The following KIAA1217 variants were observed in gnomAD, a reference collection of about 807,000 sequenced individuals.
The protein encoded by KIAA1217 is KIAA1217.
KIAA1217 carries 88 observed loss-of-function variants against 163.9 expected under a neutral mutation model. The ratio of observed to expected loss-of-function variants is 0.54; its 90% CI spans 0.45 to 0.64. The LOEUF (loss-of-function observed/expected upper bound fraction) is 0.64. Ranked by LOEUF, KIAA1217 falls within the 30% of genes least tolerant of loss-of-function variation. KIAA1217 has a pLI of 0.00. For synonymous variants in KIAA1217, 903 were observed against 923.1 expected, an observed-to-expected ratio of 0.98 and a Z score of 0.39; for missense variants, 2,372 against 2,475.0, an observed-to-expected ratio of 0.96 and a Z score of 0.88.
At chr10:23,734,250 A>T (rs755266053) in intron 1 of KIAA1217, among the ~76,000 whole-genome samples, 9 of 151,206 alleles carry the variant, frequency 6.0e-5, no homozygotes, top group Non-Finnish European at 8.8e-5. Flanking sequence ...TTCTTACTTT[A>T]GAAGTTATCA....
At chr10:24,454,625 G>C (rs1386502733) in intron 5 of KIAA1217, among the ~76,000 whole-genome samples, 1 of 152,130 alleles carries the variant, frequency 6.6e-6, no homozygotes, top group African/African-American at 2.4e-5. Flanking sequence ...GCATAGGACT[G>C]GTGGTCAGGG....
intron 9 of KIAA1217, among the ~76,000 whole-genome samples, chr10:24,504,144 T>C (rs947657099): frequency 6.6e-6 from 1 of 152,152 alleles, no homozygotes; most frequent in Admixed American, 6.5e-5. Flanking sequence ...CCTTGAACTG[T>C]GCAGCTTTGT....
At chr10:24,532,462 G>A (rs573576419) in intron 15 of KIAA1217, among the ~76,000 whole-genome samples, 61 of 152,290 alleles carry the variant, frequency 4.0e-4, no homozygotes, top group African/African-American at 1.4e-3. Context: ...CTTTCATGAG[G>A]ACTGTATTAG....
chr10:23,966,320 C>A (rs1055640341), intron 1 of KIAA1217, among the ~76,000 whole-genome samples: 1 of 152,100 alleles, frequency 6.6e-6, no homozygotes, highest in Non-Finnish European at 1.5e-5. Flanking sequence ...TGAGATTAAT[C>A]TAAAAAATGG....
chr10:23,984,460 A>G (rs938640690), intron 1 of KIAA1217, among the ~76,000 whole-genome samples: 15 of 152,222 alleles, frequency 9.9e-5, no homozygotes, highest in Non-Finnish European at 1.6e-4. Context: ...AGGCACATGC[A>G]TAAGTATGTT....
chr10:24,388,201 A>C (rs1319899099), intron 3 of KIAA1217, among the ~76,000 whole-genome samples: 2 of 152,368 alleles, frequency 1.3e-5, no homozygotes, highest in South Asian at 2.1e-4. Context: ...TGGTACCAAA[A>C]CAGAGATACA....
intron 8 of KIAA1217, among the ~76,000 whole-genome samples, chr10:24,498,410 C>T (rs753599931): frequency 2.0e-5 from 3 of 152,192 alleles, no homozygotes; most frequent in Middle Eastern, 3.4e-3. Context: ...ACTAGAAGAT[C>T]GCTGAAATGA....
At chr10:24,031,702 T>G (rs1329440611) in intron 2 of KIAA1217, among the ~76,000 whole-genome samples, 1 of 145,244 alleles carries the variant, frequency 6.9e-6, no homozygotes. Context: ...TGTGTGTGTG[T>G]GTGGGTGTGT....
intron 3 of KIAA1217, among the ~76,000 whole-genome samples, chr10:24,396,168 C>T (rs1330125755): frequency 6.6e-6 from 1 of 152,074 alleles, no homozygotes; most frequent in East Asian, 1.9e-4. Context: ...GAAACCCTCT[C>T]TCTACTAAAA....
intron 2 of KIAA1217, among the ~76,000 whole-genome samples, chr10:24,378,135 T>C (rs2052769068): frequency 6.6e-6 from 1 of 152,198 alleles, no homozygotes; most frequent in Admixed American, 6.5e-5. Flanking sequence ...CAGCTTCAAG[T>C]TGAAAACTAA....
chr10:24,224,952 G>A (rs532989510), intron 2 of KIAA1217, among the ~76,000 whole-genome samples: 3 of 149,512 alleles, frequency 2.0e-5, no homozygotes, highest in East Asian at 2.0e-4. Context: ...TCAGCCTCCC[G>A]AGTAGCTGGG....
chr10:24,043,439 C>T (rs946179017), intron 2 of KIAA1217, among the ~76,000 whole-genome samples: 2 of 151,942 alleles, frequency 1.3e-5, no homozygotes, highest in African/African-American at 4.8e-5. Flanking sequence ...ACTTTTGTGC[C>T]CTGTACTATT....
At chr10:24,326,066 G>A (rs941006861) in intron 2 of KIAA1217, among the ~76,000 whole-genome samples, 1 of 152,144 alleles carries the variant, frequency 6.6e-6, no homozygotes, top group Admixed American at 6.5e-5. Context: ...CATCACTCCA[G>A]GACCGTCTAA....
chr10:24,092,904 A>AGTGTGTGT (rs149427130), intron 2 of KIAA1217, among the ~76,000 whole-genome samples: 1 of 145,016 alleles, frequency 6.9e-6, no homozygotes, highest in Non-Finnish European at 1.5e-5. Context: ...GTGTATGTAT[A>AGTGTGTGT]GTGTGTGTGT....
At chr10:24,183,393 C>T (rs1033692195) in intron 2 of KIAA1217, among the ~76,000 whole-genome samples, 1 of 152,134 alleles carries the variant, frequency 6.6e-6, no homozygotes, top group Non-Finnish European at 1.5e-5. Flanking sequence ...TACCTCTTTT[C>T]TTCTGATTGT....
chr10:24,170,418 T>C (rs1299458284), intron 2 of KIAA1217, among the ~76,000 whole-genome samples: 2 of 152,186 alleles, frequency 1.3e-5, no homozygotes, highest in East Asian at 1.9e-4. Flanking sequence ...CCCAAGCTCA[T>C]TGTGTGAAAT....
rs1588895472 is a variant in KIAA1217 at position 23,825,450 on chromosome 10, A to G, written c.-321+130216A>G. Among the ~76,000 whole-genome samples the G allele has an allele frequency of 2.6e-5, 4 of 152,220 alleles. No homozygotes were observed. The East Asian group carries it at 7.7e-4, about 29-fold the overall frequency. ...CTAATTAATCTATATTGATGAACAT[A>G]TATGTAAATAATAGTGATAAATAAA... On this transcript the variant is annotated intron_variant, in intron 1 of 18. Transcript: ENST00000376462.
intron 2 of KIAA1217, among the ~76,000 whole-genome samples, chr10:24,289,434 G>A (rs1016396258): frequency 6.6e-6 from 1 of 152,174 alleles, no homozygotes; most frequent in African/African-American, 2.4e-5. Flanking sequence ...ATAGGGGAAA[G>A]AGGAGGAGAA....
At chr10:24,400,022 C>G (rs1219405592) in intron 3 of KIAA1217, among the ~76,000 whole-genome samples, 1 of 152,150 alleles carries the variant, frequency 6.6e-6, no homozygotes, top group African/African-American at 2.4e-5. Flanking sequence ...AACATAGCAA[C>G]AGGAAAATGA....
Sources: allele counts gnomAD v4.1 joint callset (sites outside exome capture counted in the v4.1 genomes callset), GRCh38; gene constraint gnomAD v4.1.1; transcripts MANE v1.5; gene names NCBI Gene and HGNC (gene_info 2026-07-23, HGNC 2026-07-21).